Variants in SOX5 observed in about 807,000 individuals in gnomAD.
The protein encoded by SOX5 is transcription factor SOX-5.
A neutral mutation model predicts 92.0 loss-of-function variants in SOX5; 9 were observed. The observed-to-expected ratio is 0.10, with a 90% CI of 0.06 to 0.17. The LOEUF (loss-of-function observed/expected upper bound fraction) is 0.17, where lower values mean the gene tolerates loss of function less well. Among genes scored for constraint, SOX5 ranks in the 10% least tolerant of loss-of-function variants. The pLI is 1.00. For missense variants in SOX5, 642 were observed against 944.5 expected (o/e 0.68, Z 4.20); for synonymous variants, 344 against 336.3 (o/e 1.02, Z -0.25).
At chr12:24,192,627 C>G (rs1052112982) in intron 4 of SOX5, among the ~76,000 whole-genome samples, 3 of 152,172 alleles carry the variant, frequency 2.0e-5, no homozygotes, top group Admixed American at 2.0e-4. Context: ...AAGATACATC[C>G]TGCTGCCTTA....
chr12:24,099,672 T>C (rs995555256), intron 4 of SOX5, among the ~76,000 whole-genome samples: 3 of 152,150 alleles, frequency 2.0e-5, no homozygotes, highest in Admixed American at 6.5e-5. Context: ...TAGCATAACA[T>C]ATCATGTACT....
At chr12:24,472,409 G>T (rs571730423) in intron 1 of SOX5, among the ~76,000 whole-genome samples, 2 of 152,218 alleles carry the variant, frequency 1.3e-5, no homozygotes, top group Non-Finnish European at 2.9e-5. Context: ...AATTAGGAGA[G>T]AACCTCTTAT....
At chr12:23,699,015 C>T (rs2090264586) in intron 6 of SOX5, among the ~76,000 whole-genome samples, 1 of 152,158 alleles carries the variant, frequency 6.6e-6, no homozygotes, top group Non-Finnish European at 1.5e-5. Context: ...CCAAAGGTTC[C>T]TTACCTGGCT....
chr12:24,202,870 C>T (rs954735563), intron 4 of SOX5, among the ~76,000 whole-genome samples: 1 of 152,048 alleles, frequency 6.6e-6, no homozygotes, highest in African/African-American at 2.4e-5. Context: ...GTGGTGTCTG[C>T]CAGGTTTTTC....
intron 1 of SOX5, among the ~76,000 whole-genome samples, chr12:24,394,200 A>T (rs1357147601): frequency 6.6e-6 from 1 of 152,162 alleles, no homozygotes. Context: ...GAGGTCACAA[A>T]GCAGCAGGGC....
intron 14 of SOX5, among the ~76,000 whole-genome samples, chr12:23,536,200 C>CA (rs1200558525): frequency 2.0e-5 from 3 of 152,190 alleles, no homozygotes; most frequent in African/African-American, 7.2e-5. Context: ...TAGAAAACTT[C>CA]AAAATCATTT....
intron 4 of SOX5, among the ~76,000 whole-genome samples, chr12:24,136,114 G>A (rs1360498264): frequency 6.6e-6 from 1 of 152,128 alleles, no homozygotes; most frequent in East Asian, 1.9e-4. Context: ...GAATGGAAAG[G>A]AACAAAGAAT....
intron 1 of SOX5, among the ~76,000 whole-genome samples, chr12:23,897,038 G>A (rs935860140): frequency 2.0e-5 from 3 of 152,032 alleles, no homozygotes; most frequent in Admixed American, 6.6e-5. Context: ...ATAATGACAA[G>A]TTAAAATATT....
chr12:24,231,287 A>G (rs1012213686), intron 3 of SOX5, among the ~76,000 whole-genome samples: 18 of 152,238 alleles, frequency 1.2e-4, no homozygotes, highest in Non-Finnish European at 2.2e-4. Flanking sequence ...ACACATGTTT[A>G]GAATAATCAG....
Position 24,092,505 on chromosome 12 carries a change from G to A in SOX5, c.-2+120838C>T, listed in dbSNP as rs185320252. On this transcript the variant is annotated intron_variant, in intron 4 of 4. Transcript: ENST00000446891. ...AGTGGATGCTTCACCAATAAATGCC[G>A]CCTCAATATAGATGCTCACACCCAA... Among the ~76,000 whole-genome samples the A allele has an allele frequency of 4.9e-4, 75 of 152,146 alleles. 1 individual carries two copies. The highest frequency in any genetic ancestry group is 1.7e-3 in the African/African-American group (69 of 41,496).
At chr12:23,559,097 T>C (rs1945753003) in intron 11 of SOX5, among the ~76,000 whole-genome samples, 1 of 152,194 alleles carries the variant, frequency 6.6e-6, no homozygotes, top group Non-Finnish European at 1.5e-5. Context: ...TAAGACTGTC[T>C]GGTGGGATCA....
chr12:23,770,762 G>C (rs1052360850), intron 3 of SOX5, among the ~76,000 whole-genome samples: 2 of 152,134 alleles, frequency 1.3e-5, no homozygotes, highest in Non-Finnish European at 2.9e-5. Flanking sequence ...ACTGTAAGAA[G>C]ACTGGGCATT....
rs1393965076 is a variant in SOX5 at position 23,840,148 on chromosome 12, G to A, written c.481+5835C>T. ...TCCTGAAAGGCCAAAGGATGCAAGG[G>A]GAATATACTACAGTCAATTTCCCAT... is the stretch of plus-strand genomic sequence containing the variant. On this transcript the variant is annotated intron_variant, in intron 3 of 14. Transcript: ENST00000451604. Among the ~76,000 whole-genome samples, 10 of 151,446 alleles carry A rather than the reference G, an allele frequency of 6.6e-5. No homozygotes were observed. In the South Asian group the frequency reaches 1.9e-3, roughly 29 times the overall value.
intron 1 of SOX5, among the ~76,000 whole-genome samples, chr12:24,462,151 T>C (rs1158476129): frequency 6.6e-6 from 1 of 152,228 alleles, no homozygotes; most frequent in Non-Finnish European, 1.5e-5. Context: ...CTAGATGATA[T>C]AGTCTCTTAC....
At chr12:23,837,839 A>C (rs12831546) in intron 3 of SOX5, among the ~76,000 whole-genome samples, 11 of 85,270 alleles carry the variant, frequency 1.3e-4, no homozygotes, top group Admixed American at 6.4e-4. Context: ...AATATATAAG[A>C]TATATTTATA....
chr12:23,815,463 T>A (rs2095971813), intron 3 of SOX5, among the ~76,000 whole-genome samples: 1 of 152,172 alleles, frequency 6.6e-6, no homozygotes, highest in South Asian at 2.1e-4. Flanking sequence ...AACTGATAAC[T>A]GATAAGAGTT....
chr12:23,693,248 C>T (rs1692703518), intron 6 of SOX5, among the ~76,000 whole-genome samples: 1 of 152,066 alleles, frequency 6.6e-6, no homozygotes, highest in Non-Finnish European at 1.5e-5. Context: ...CTCAGCCTCT[C>T]AAGTAGCTGG....
In SOX5 at chr12:23,584,751, G is replaced by T. The variant is rs1950497630; in HGVS notation, c.1165-8913C>A. 1.6e-5 allele frequency: 9 copies of T among 567,922 alleles called. No homozygotes were observed. The Admixed American group carries it at 2.4e-4, about 15-fold the overall frequency. The allele number at this position is 567,922 out of a possible 1,614,324, so 35.2% of individuals were successfully genotyped here. ...TGTGAGTGTGTGTGTGTGTGTGTAT[G>T]TGTGTGTGTTTAATGGATTAAACAT... is the stretch of plus-strand genomic sequence containing the variant. On this transcript the variant is annotated intron_variant, in intron 9 of 14. Coordinates refer to ENST00000451604, the MANE Select transcript of SOX5 (RefSeq NM_006940.6).
intron 2 of SOX5, among the ~76,000 whole-genome samples, chr12:24,324,146 G>T (rs998214151): frequency 6.6e-6 from 1 of 151,998 alleles, no homozygotes; most frequent in East Asian, 1.9e-4. Context: ...TATTTCAAAC[G>T]TCATTTTGCT....
Sources: allele counts gnomAD v4.1 joint callset (sites outside exome capture counted in the v4.1 genomes callset), GRCh38; gene constraint gnomAD v4.1.1; transcripts MANE v1.5; gene names NCBI Gene and HGNC (gene_info 2026-07-23, HGNC 2026-07-21).